The following SORCS3 variants were observed in gnomAD, a reference collection of about 807,000 sequenced individuals.
SORCS3 encodes VPS10 domain-containing receptor SorCS3.
In SORCS3, 57 loss-of-function variants were observed where a neutral mutation model predicts 146.3. That is an observed-to-expected ratio of 0.39 (90% CI 0.31 to 0.49). The LOEUF (loss-of-function observed/expected upper bound fraction) is 0.49. SORCS3 is among the 20% of genes least tolerant of loss of function. The probability of loss-of-function intolerance (pLI) is 0.92; values close to 1 mark genes in which losing one functional copy is unlikely to be tolerated. For synonymous variants in SORCS3, 653 were observed against 618.5 expected (o/e 1.06, Z -0.83); for missense variants, 1,341 against 1,575.5 (o/e 0.85, Z 2.52).
intron 6 of SORCS3, among the ~76,000 whole-genome samples, chr10:105,094,416 A>G (rs2055731642): frequency 6.6e-6 from 1 of 152,258 alleles, no homozygotes; most frequent in Non-Finnish European, 1.5e-5. Context: ...TAGGAGGCAT[A>G]GTTCCTGACT....
intron 9 of SORCS3, among the ~76,000 whole-genome samples, chr10:105,152,961 A>G (rs2056178138): frequency 6.6e-6 from 1 of 151,686 alleles, no homozygotes; most frequent in Non-Finnish European, 1.5e-5. Context: ...ATTTTTATGG[A>G]GGTATAATTT....
chr10:104,991,447 T>C (rs1197178745), intron 4 of SORCS3, among the ~76,000 whole-genome samples: 3 of 152,074 alleles, frequency 2.0e-5, no homozygotes, highest in Non-Finnish European at 4.4e-5. Flanking sequence ...TATGTTTGTC[T>C]TTCCTCTACG....
At chr10:104,644,892 C>T (rs2015473072) in intron 1 of SORCS3, among the ~76,000 whole-genome samples, 1 of 152,188 alleles carries the variant, frequency 6.6e-6, no homozygotes, top group Non-Finnish European at 1.5e-5. Context: ...ACTGAGTTTA[C>T]AGTCAGGGAT....
At chr10:104,861,946 C>G (rs12262245) in intron 2 of SORCS3, among the ~76,000 whole-genome samples, 18,180 of 152,218 alleles carry the variant, frequency 0.12, 1,997 homozygotes, top group African/African-American at 0.29. Flanking sequence ...CTGCCTTTAT[C>G]TCCGCATGTG....
rs34816369 is a variant in SORCS3 at position 104,727,545 on chromosome 10, GTATATA to G, written c.627+85606_627+85611del. ...TCTTAGAAGGGATATATGTGTGTGT[GTATATA>G]TATATATATATATAAGATGCATACA... On this transcript the variant is annotated intron_variant, in intron 1 of 26. Coordinates refer to ENST00000369701, the MANE Select transcript of SORCS3 (RefSeq NM_014978.3). Among the ~76,000 whole-genome samples, 4 of 147,940 alleles carry G rather than the reference GTATATA, an allele frequency of 2.7e-5. No homozygotes were observed. In the South Asian group the frequency reaches 6.4e-4, roughly 24 times the overall value.
intron 1 of SORCS3, among the ~76,000 whole-genome samples, chr10:104,793,887 A>G (rs572631968): frequency 8.5e-5 from 13 of 152,352 alleles, no homozygotes; most frequent in African/African-American, 3.1e-4. Flanking sequence ...TTAGGTGGCA[A>G]TGAAACCGTC....
chr10:104,739,067 G>T (rs1280369582), intron 1 of SORCS3, among the ~76,000 whole-genome samples: 1 of 152,148 alleles, frequency 6.6e-6, no homozygotes, highest in Admixed American at 6.5e-5. Flanking sequence ...CATTGGCTAT[G>T]GCTGGATCCA....
intron 2 of SORCS3, among the ~76,000 whole-genome samples, chr10:104,879,366 G>T (rs1201362436): frequency 1.3e-5 from 2 of 152,002 alleles, no homozygotes; most frequent in African/African-American, 4.8e-5. Flanking sequence ...ACCATAACAG[G>T]CCAAGTCCTT....
At position 105,211,127 on chromosome 10, in the gene SORCS3, T is replaced by G. The variant is rs1370329648; in HGVS notation, c.2262-10T>G. ...TATATACTACTATGCAATATTCATT[T>G]TCCTGACAGTGACTATGGGTATGAG... is the stretch of plus-strand genomic sequence containing the variant. On this transcript the variant is annotated splice_polypyrimidine_tract_variant and intron_variant, in intron 16 of 26. Transcript: ENST00000369701. 6.2e-7 allele frequency: 1 copy of G among 1,601,360 alleles called. No homozygotes were observed. The highest frequency in any genetic ancestry group is 1.1e-5 in the South Asian group (1 of 90,778).
chr10:105,078,701 C>G (rs2055604707), intron 5 of SORCS3, among the ~76,000 whole-genome samples: 1 of 152,174 alleles, frequency 6.6e-6, no homozygotes, highest in Non-Finnish European at 1.5e-5. Context: ...ATGTGCCTCT[C>G]TTTCTTCCAA....
chr10:104,947,374 C>T (rs1429043152), intron 3 of SORCS3, among the ~76,000 whole-genome samples: 1 of 152,058 alleles, frequency 6.6e-6, no homozygotes, highest in Non-Finnish European at 1.5e-5. Flanking sequence ...ACCTATCCTC[C>T]AACTCTGGCA....
intron 4 of SORCS3, among the ~76,000 whole-genome samples, chr10:105,029,888 C>T (rs185709557): frequency 2.8e-4 from 42 of 152,302 alleles, no homozygotes; most frequent in Admixed American, 2.4e-3. Context: ...TTAAAATCAT[C>T]TGGGAGCTTG....
intron 13 of SORCS3, 113 bp from the exon 14 acceptor site, chr10:105,177,953 C>T (rs980512738): frequency 1.4e-6 from 1 of 722,860 alleles, no homozygotes; most frequent in African/African-American, 1.8e-5. Context: ...TATTGATAAT[C>T]CACACTGCCA....
At chr10:104,858,911 G>A (rs1189414731) in intron 2 of SORCS3, among the ~76,000 whole-genome samples, 11 of 142,220 alleles carry the variant, frequency 7.7e-5, no homozygotes, top group Admixed American at 3.6e-4. Context: ...GTGAGCCACC[G>A]CACCTGGCCT....
At chr10:105,223,273 C>T in intron 20 of SORCS3, 24 bp downstream of exon 20, 2 of 1,595,246 alleles carry the variant, frequency 1.3e-6, no homozygotes, top group Non-Finnish European at 1.7e-6. Context: ...TGATTGATGT[C>T]AAATTAGATC....
chr10:104,873,393 G>T (rs1273169018), intron 2 of SORCS3, among the ~76,000 whole-genome samples: 2 of 152,206 alleles, frequency 1.3e-5, no homozygotes, highest in Non-Finnish European at 2.9e-5. Context: ...GTGTACAGTT[G>T]TTGAGCAGTG....
intron 1 of SORCS3, among the ~76,000 whole-genome samples, chr10:104,642,946 T>C (rs2015444616): frequency 6.6e-6 from 1 of 152,098 alleles, no homozygotes; most frequent in Admixed American, 6.5e-5. Context: ...CCGCAGCGCG[T>C]GCCCGGAGGG....
chr10:104,838,225 C>T (rs796321369), intron 1 of SORCS3, among the ~76,000 whole-genome samples: 5 of 152,248 alleles, frequency 3.3e-5, no homozygotes, highest in African/African-American at 1.2e-4. Context: ...GAACTACCCC[C>T]TCCACCATCC....
chr10:104,855,974 G>C (rs1238775222), intron 2 of SORCS3, among the ~76,000 whole-genome samples: 1 of 152,132 alleles, frequency 6.6e-6, no homozygotes, highest in Non-Finnish European at 1.5e-5. Context: ...AGGCTCAAGT[G>C]ATCCTCCTGC....
Sources: gnomAD v4.1 joint callset for allele counts (sites outside exome capture counted in the v4.1 genomes callset) on GRCh38, gnomAD v4.1.1 for gene constraint, MANE v1.5 for transcripts, NCBI Gene and HGNC (gene_info 2026-07-23, HGNC 2026-07-21) for gene names.